Variants in CES5A observed in about 807,000 individuals in gnomAD.
CES5A encodes carboxylesterase 5.
CES5A carries 67 observed loss-of-function variants against 62.9 expected under a neutral mutation model. The ratio of observed to expected loss-of-function variants is 1.07; its 90% CI spans 0.88 to 1.31. The LOEUF (loss-of-function observed/expected upper bound fraction) is 1.31, where lower values mean the gene tolerates loss of function less well. Ranked by LOEUF, CES5A falls within the 50% of genes most tolerant of loss-of-function variation. CES5A has a pLI of 0.00. For synonymous variants in CES5A, 296 were observed against 280.8 expected, an observed-to-expected ratio of 1.05 and a Z score of -0.54; for missense variants, 748 against 708.5, an observed-to-expected ratio of 1.06 and a Z score of -0.63.
rs373764241 is a variant in CES5A, at chr16:55,869,645, C to A, written c.517G>T (p.Val173Phe). Residue 173 changes from valine to phenylalanine, a missense_variant, in exon 4 of 13, where the codon GTC becomes TTC. Val to Phe is a conservative substitution (Grantham distance 50). Coordinates refer to ENST00000290567, the MANE Select transcript of CES5A (RefSeq NM_001143685.2). ...AAYEDVLVVV[V>F]QYRLGIFGFF... is the part of the protein sequence containing the mutation. The stretch of plus-strand genomic sequence containing the variant: ...CCAAATATTCCTAGCCGGTACTGGA[C>A]GACCACAACCAGCACGTCCTCATAG... 6.9e-5 allele frequency: 112 copies of A among 1,613,670 alleles called. No homozygotes were observed. Among genetic ancestry groups the A allele is most frequent in the Non-Finnish European group, 9.3e-5 (110 of 1,179,930 alleles).
chr16:55,934,095 G>A (rs1474387208), intron 2 of CES5A, among the ~76,000 whole-genome samples: 1 of 151,984 alleles, frequency 6.6e-6, no homozygotes, highest in Admixed American at 6.6e-5. Context: ...TTTATAGTGG[G>A]GTTTCCTTGA....
chr16:55,944,019 C>T (rs748306755), intron 2 of CES5A: 9 of 701,822 alleles, frequency 1.3e-5, no homozygotes, highest in African/African-American at 5.2e-5. Flanking sequence ...AGGGAAAAAT[C>T]GCAAGTCATT....
chr16:55,862,049 C>T (rs1316487356), intron 6 of CES5A, among the ~76,000 whole-genome samples: 10 of 152,106 alleles, frequency 6.6e-5, no homozygotes, highest in Admixed American at 5.2e-4. Flanking sequence ...TGCCTCTATA[C>T]CAATCCTTTT....
At chr16:55,878,513 C>T (rs1227585948), upstream of CES5A, among the ~76,000 whole-genome samples, 1 of 151,844 alleles carries the variant, frequency 6.6e-6, no homozygotes, top group African/African-American at 2.4e-5. Flanking sequence ...AATCTTTTCT[C>T]ATCTGGCTCC....
chr16:55,912,162 T>C (rs865796974), intron 1 of CES5A, among the ~76,000 whole-genome samples: 4 of 152,164 alleles, frequency 2.6e-5, no homozygotes, highest in Non-Finnish European at 5.9e-5. Context: ...GGAAGCAGGA[T>C]TGGGCCACCA....
chr16:55,853,043 T>C lies in CES5A; in HGVS notation c.1126-15A>G, dbSNP rs1423695343. 2 of 1,613,604 alleles carry C rather than the reference T, an allele frequency of 1.2e-6. No homozygotes were observed. Among genetic ancestry groups the C allele is most frequent in the Admixed American group, 1.7e-5 (1 of 60,012 alleles). ...GGCGGGATGTGCTGTAAAAATATCG[T>C]AGTCCTAGGAGATCCAGGTCAACCA... On this transcript the variant is annotated splice_polypyrimidine_tract_variant and intron_variant, in intron 9 of 12. Coordinates refer to ENST00000290567, the MANE Select transcript of CES5A (RefSeq NM_001143685.2).
intron 2 of CES5A, among the ~76,000 whole-genome samples, chr16:55,944,698 C>A (rs1306310881): frequency 6.6e-6 from 1 of 152,174 alleles, no homozygotes; most frequent in African/African-American, 2.4e-5. Context: ...TCCTTAACTC[C>A]CAGGGATTGG....
intron 1 of CES5A, among the ~76,000 whole-genome samples, chr16:55,906,267 C>T (rs759483555): frequency 4.6e-5 from 7 of 152,144 alleles, no homozygotes; most frequent in Admixed American, 1.3e-4. Flanking sequence ...TTTGAGGAGA[C>T]GGGTGTTGAT....
intron 3 of CES5A, 125 bp from the exon 4 acceptor site, chr16:55,869,869 T>G: frequency 7.4e-7 from 1 of 1,354,894 alleles, no homozygotes; most frequent in Middle Eastern, 2.0e-4. Context: ...GTGCGAGGTT[T>G]TGTCATTTGA....
chr16:55,928,944 C>T (rs777664713), upstream of CES5A, among the ~76,000 whole-genome samples: 26 of 152,154 alleles, frequency 1.7e-4, no homozygotes, highest in Non-Finnish European at 2.9e-5. Context: ...TTCTAGCATG[C>T]GTCCAAGGCC....
At chr16:55,866,176 T>C (rs2033456976) in intron 4 of CES5A, 60 bp from the exon 5 acceptor site, 1 of 1,537,360 alleles carries the variant, frequency 6.5e-7, no homozygotes, top group Non-Finnish European at 8.8e-7. Flanking sequence ...CCCACAGCCC[T>C]GGAAGTTCTC....
chr16:55,928,071 G>A (rs571646395), upstream of CES5A, among the ~76,000 whole-genome samples: 34 of 152,104 alleles, frequency 2.2e-4, no homozygotes, highest in African/African-American at 7.7e-4. Flanking sequence ...GTGAAACCCC[G>A]TCTCTACTAA....
intron 1 of CES5A, among the ~76,000 whole-genome samples, chr16:55,950,982 G>T (rs980551679): frequency 6.6e-6 from 1 of 151,586 alleles, no homozygotes; most frequent in Admixed American, 6.6e-5. Context: ...GGCGCCTGTA[G>T]TCCCAGCTAC....
At chr16:55,890,700 G>GAGGACTAAGCTC (rs1272910487) in intron 1 of CES5A, among the ~76,000 whole-genome samples, 1 of 152,110 alleles carries the variant, frequency 6.6e-6, no homozygotes, top group Admixed American at 6.6e-5. Context: ...TATTCCTGGT[G>GAGGACTAAGCTC]AGGACTAAGC....
At chr16:55,936,377 T>C (rs1456518797) in intron 2 of CES5A, among the ~76,000 whole-genome samples, 5 of 152,158 alleles carry the variant, frequency 3.3e-5, no homozygotes, top group African/African-American at 7.2e-5. Flanking sequence ...GAAAATCCAT[T>C]TGAGGATCCT....
At chr16:55,871,522 C>T (rs1441393995) in intron 3 of CES5A, 103 bp downstream of exon 3, 2 of 1,310,722 alleles carry the variant, frequency 1.5e-6, no homozygotes, top group Non-Finnish European at 2.1e-6. Flanking sequence ...TCCCTTTTAC[C>T]CAACAGGGGG....
upstream of CES5A, among the ~76,000 whole-genome samples, chr16:55,926,311 C>T (rs1281501203): frequency 1.3e-5 from 2 of 152,052 alleles, no homozygotes; most frequent in Non-Finnish European, 2.9e-5. Context: ...TGTCCTTCAA[C>T]CAATAACTAT....
rs2033675592 is a variant in CES5A, at chr16:55,875,279, T to C, written c.-58A>G. On this transcript the variant is annotated 5_prime_UTR_variant, in exon 1 of 13. Coordinates refer to ENST00000290567, the MANE Select transcript of CES5A (RefSeq NM_001143685.2). ...CGGCGGCTGCTGGCCTCAGAGAGCT[T>C]CAGTTGGGAGCCAGAAAGAGCTTCC... 3 of 1,589,360 alleles carry C rather than the reference T, an allele frequency of 1.9e-6. No homozygotes were observed. The highest frequency in any genetic ancestry group is 2.6e-6 in the Non-Finnish European group (3 of 1,168,986).
chr16:55,920,902 G>A (rs1198775343), intron 1 of CES5A, among the ~76,000 whole-genome samples: 1 of 152,128 alleles, frequency 6.6e-6, no homozygotes, highest in Admixed American at 6.6e-5. Context: ...ATTTACCACA[G>A]AAACTTAACA....
Sources: gnomAD v4.1 joint callset for allele counts (sites outside exome capture counted in the v4.1 genomes callset) on GRCh38, gnomAD v4.1.1 for gene constraint, MANE v1.5 for transcripts, NCBI Gene and HGNC (gene_info 2026-07-23, HGNC 2026-07-21) for gene names.